Variants in EZR observed in about 807,000 individuals in gnomAD.
EZR encodes ezrin.
In EZR, 40 loss-of-function variants were observed where a neutral mutation model predicts 74.8. That is an observed-to-expected ratio of 0.53 (90% CI 0.42 to 0.70). The LOEUF (loss-of-function observed/expected upper bound fraction) is 0.70, where lower values mean the gene tolerates loss of function less well. EZR is among the 30% of genes least tolerant of loss of function. EZR has a pLI of 0.00. For synonymous variants in EZR, 341 were observed against 283.3 expected, an observed-to-expected ratio of 1.20 and a Z score of -2.05; for missense variants, 678 against 755.8, an observed-to-expected ratio of 0.90 and a Z score of 1.21.
At position 158,776,484 on chromosome 6, in the gene EZR, A is replaced by G. The variant is rs1334969871; in HGVS notation, c.719T>C (p.Phe240Ser). 8.7e-6 allele frequency: 14 copies of G among 1,613,412 alleles called. No individual in the cohort carries two copies. Among genetic ancestry groups the G allele is most frequent in the Non-Finnish European group, 1.2e-5 (14 of 1,179,812 alleles). ...KDDKLTPKIGFPWSEIRNISF... is the reference protein window; with the variant it reads ...KDDKLTPKIGSPWSEIRNISF... ...GATGTTCCTGATTTCACTCCAAGGA[A>G]AGCCAATCTTTGGGGTTAACCTGAG... The change falls in exon 8 of 14, where the codon TTT becomes TCT. Residue 240 changes from phenylalanine to serine, a missense_variant. Phe to Ser is a radical substitution (Grantham distance 155, BLOSUM62 -2). This residue lies in a region of EZR where 119 missense variants were observed against 182.3 expected (regional missense o/e 0.65). Coordinates refer to ENST00000367075, the MANE Select transcript of EZR (RefSeq NM_001111077.2).
At position 158,767,337 on chromosome 6, in the gene EZR, C is replaced by T; in HGVS notation, c.1520G>A (p.Gly507Asp). 6.2e-7 allele frequency: 1 copy of T among 1,614,176 alleles called. No homozygotes were observed. Among genetic ancestry groups the T allele is most frequent in the East Asian group, 2.2e-5 (1 of 44,862 alleles). The stretch of plus-strand genomic sequence containing the variant: ...CTCCTCATTGCGGTCATCCCGGATG[C>T]CCTCACTAGACAGCTCCGCGCTGTA... ...TGYSAELSSE[G>D]IRDDRNEEKR... Residue 507 changes from glycine (G) to aspartate (D), a missense_variant, in exon 13 of 14, where the codon GGC becomes GAC. Physicochemically the swap from Gly to Asp is moderately conservative, Grantham distance 94 (BLOSUM62 -1). Coordinates refer to ENST00000367075, the MANE Select transcript of EZR (RefSeq NM_001111077.2).
At chr6:158,783,714 T>C in intron 6 of EZR, 48 bp from the exon 7 acceptor site, 1 of 1,579,722 alleles carries the variant, frequency 6.3e-7, no homozygotes, top group Non-Finnish European at 8.7e-7. Context: ...GCACTCAATA[T>C]CTAGAACAGT....
chr6:158,804,845 G>A (rs1270055302), intron 2 of EZR, among the ~76,000 whole-genome samples: 2 of 150,156 alleles, frequency 1.3e-5, no homozygotes, highest in Non-Finnish European at 3.0e-5. Flanking sequence ...CATGTGCCAT[G>A]CTGGTGCGCT....
intron 2 of EZR, among the ~76,000 whole-genome samples, chr6:158,815,574 C>T (rs1777536414): frequency 6.6e-6 from 1 of 152,210 alleles, no homozygotes; most frequent in Non-Finnish European, 1.5e-5. Context: ...CTCCAGGGCT[C>T]ATCAAGCAAT....
intron 2 of EZR, among the ~76,000 whole-genome samples, chr6:158,803,533 A>T (rs1391207908): frequency 9.0e-4 from 5 of 5,556 alleles, no homozygotes; most frequent in Non-Finnish European, 4.4e-4. Context: ...AACATTATAT[A>T]TATATATATA....
At chr6:158,772,738 CT>C (rs1181030245) in intron 8 of EZR, among the ~76,000 whole-genome samples, 1 of 152,174 alleles carries the variant, frequency 6.6e-6, no homozygotes, top group African/African-American at 2.4e-5. Context: ...TCCTCTTAAC[CT>C]CAGGGCCCCC....
intron 7 of EZR, among the ~76,000 whole-genome samples, chr6:158,780,097 C>A: frequency 6.6e-6 from 1 of 151,414 alleles, no homozygotes; most frequent in East Asian, 2.0e-4. Flanking sequence ...GCAGGAGAAC[C>A]GCTTGAACCC....
rs138347820 is a variant in EZR at position 158,767,010 on chromosome 6, G to A, written c.1665C>T (p.Asn555=). 1.4e-4 allele frequency: 233 copies of A among 1,614,184 alleles called. 1 individual carries two copies. In the African/African-American group the frequency reaches 1.7e-3, roughly 12 times the overall value. Residue 555 remains asparagine (N), a synonymous_variant, in exon 14 of 14, where the codon AAC becomes AAT. Transcript: ENST00000367075. ...TGTCCCGGCCTTGCCTCATGTTCTC[G>A]TTGTGGATGATGTCATTGTGGGTCC... ...NKRTHNDIIH[N]ENMRQGRDKY... is the part of the protein sequence containing the mutation.
chr6:158,782,532 C>A (rs1174228180), intron 7 of EZR, among the ~76,000 whole-genome samples: 3 of 152,230 alleles, frequency 2.0e-5, no homozygotes, highest in Admixed American at 1.3e-4. Context: ...CTGGGCCACT[C>A]TGCTCTTTAC....
intron 2 of EZR, among the ~76,000 whole-genome samples, chr6:158,817,066 C>G (rs1287331261): frequency 1.3e-5 from 2 of 152,132 alleles, no homozygotes; most frequent in African/African-American, 4.8e-5. Flanking sequence ...GCCTGGGCCA[C>G]AGAGAGAGAC....
intron 1 of EZR, 59 bp downstream of exon 1, chr6:158,819,258 T>TA (rs1240910368): frequency 1.4e-5 from 2 of 146,198 alleles, no homozygotes; most frequent in Non-Finnish European, 3.0e-5. Context: ...GCCCGGGCCC[T>TA]CCACCAGGAA....
intron 2 of EZR, among the ~76,000 whole-genome samples, chr6:158,808,830 C>A (rs565892504): frequency 6.6e-6 from 1 of 152,182 alleles, no homozygotes; most frequent in East Asian, 1.9e-4. Flanking sequence ...TGCTAAACAA[C>A]AAACAAACAA....
intron 2 of EZR, among the ~76,000 whole-genome samples, chr6:158,811,870 G>A (rs1310581887): frequency 3.6e-5 from 3 of 83,680 alleles, no homozygotes; most frequent in Non-Finnish European, 5.8e-5. Context: ...GTGAGACCCT[G>A]TTTCCAAAAA....
chr6:158,814,829 C>G (rs1335859299), intron 2 of EZR, among the ~76,000 whole-genome samples: 2 of 152,164 alleles, frequency 1.3e-5, no homozygotes, highest in Non-Finnish European at 2.9e-5. Flanking sequence ...CCATGAGCCA[C>G]TGTGTACCGC....
At chr6:158,802,394 A>G (rs1777204735) in intron 2 of EZR, among the ~76,000 whole-genome samples, 1 of 112,758 alleles carries the variant, frequency 8.9e-6, no homozygotes, top group African/African-American at 3.0e-5. Context: ...AATTTACCAA[A>G]TATCAATTTT....
intron 7 of EZR, among the ~76,000 whole-genome samples, chr6:158,782,511 A>G (rs1428129290): frequency 6.6e-6 from 1 of 152,252 alleles, no homozygotes. Context: ...AAACCGGTAC[A>G]TCCAGGAACT....
chr6:158,790,339 C>A (rs1791705236), intron 2 of EZR, among the ~76,000 whole-genome samples: 1 of 152,086 alleles, frequency 6.6e-6, no homozygotes, highest in Admixed American at 6.5e-5. Flanking sequence ...GATGGGAGGG[C>A]CTTAAAATAT....
At chr6:158,785,645 C>T in intron 4 of EZR, 62 bp from the exon 5 acceptor site, 1 of 1,589,570 alleles carries the variant, frequency 6.3e-7, no homozygotes, top group Non-Finnish European at 8.6e-7. Flanking sequence ...CTGTCCCCAA[C>T]ACAGGCTTCT....
intron 2 of EZR, among the ~76,000 whole-genome samples, chr6:158,809,914 C>T (rs144233571): frequency 7.9e-5 from 12 of 152,272 alleles, no homozygotes; most frequent in East Asian, 3.9e-4. Flanking sequence ...CAGCCAGACT[C>T]GGCCCTAAGA....
Sources: gnomAD v4.1 joint callset for allele counts (sites outside exome capture counted in the v4.1 genomes callset) on GRCh38, gnomAD v4.1.1 for gene constraint, gnomAD v4.1.1 regional missense constraint, MANE v1.5 for transcripts, NCBI Gene and HGNC (gene_info 2026-07-23, HGNC 2026-07-21) for gene names.